Variants in KMT2E observed in about 807,000 individuals in gnomAD.
KMT2E encodes histone reader KMT2E.
Under a neutral mutation model 184.6 loss-of-function variants are expected in KMT2E, and 30 were observed. The observed-to-expected ratio is 0.16, with a 90% CI of 0.12 to 0.22. The LOEUF (loss-of-function observed/expected upper bound fraction) is 0.22, where lower values mean the gene tolerates loss of function less well. Ranked by LOEUF, KMT2E falls within the 10% of genes least tolerant of loss-of-function variation. The probability of loss-of-function intolerance (pLI) is 1.00; values close to 1 mark genes in which losing one functional copy is unlikely to be tolerated. For synonymous variants in KMT2E, 815 were observed against 776.5 expected, an observed-to-expected ratio of 1.05 and a Z score of -0.82; for missense variants, 2,023 against 2,237.4, an observed-to-expected ratio of 0.90 and a Z score of 1.93.
In KMT2E at chr7:105,090,134, A is replaced by G. The variant is rs1798140933; in HGVS notation, c.1484A>G (p.Asp495Gly). 2.5e-6 allele frequency: 4 copies of G among 1,613,308 alleles called. No homozygotes were observed. The change falls in exon 14 of 27, where the codon GAC (aspartate) becomes GGC (glycine). Residue 495 changes from aspartate to glycine, a missense_variant. Physicochemically the swap from Asp to Gly is moderately conservative, Grantham distance 94 (BLOSUM62 -1). This residue lies in a region of KMT2E where 514 missense variants were observed against 621.8 expected (regional missense o/e 0.83). Coordinates refer to ENST00000311117, the MANE Select transcript of KMT2E (RefSeq NM_182931.3). ...YETRRKKGKKDKDISKEKDTQ... is the reference protein window; with the variant it reads ...YETRRKKGKKGKDISKEKDTQ... ...ACCAGACGGAAAAAAGGAAAAAAAG[A>G]CAAAGATATTTCAAAAGAAAAAGAT...
chr7:105,050,454 A>G (rs1179074857), intron 3 of KMT2E, among the ~76,000 whole-genome samples: 3 of 152,098 alleles, frequency 2.0e-5, no homozygotes, highest in African/African-American at 4.8e-5. Flanking sequence ...GACTTTAAAT[A>G]TAATCTCTGT....
In KMT2E at chr7:105,112,171, A is replaced by G. The variant is rs1418100350; in HGVS notation, c.4415A>G (p.Gln1472Arg). The G allele has an allele frequency of 3.7e-6, 6 of 1,614,098 alleles. No homozygotes were observed. The highest frequency in any genetic ancestry group is 5.1e-6 in the Non-Finnish European group (6 of 1,180,004). ...TATCTTTCACCAAAGCCTCCTTCAC[A>G]GCAGTTAGGATCTCCCTACAGGCCT... ...HGYLSPKPPS[Q>R]QLGSPYRPHH... is the part of the protein sequence containing the mutation. Residue 1472 changes from glutamine to arginine, a missense_variant, in exon 27 of 27, where the codon CAG becomes CGG. By Grantham distance (43) the Gln-to-Arg change is conservative. Around this residue, in one of 8 missense-constraint regions of KMT2E, gnomAD observed 1,108 missense variants for 1,050.9 expected, o/e 1.05. Coordinates refer to ENST00000311117, the MANE Select transcript of KMT2E (RefSeq NM_182931.3).
intron 1 of KMT2E, among the ~76,000 whole-genome samples, chr7:105,022,868 G>A (rs1176635765): frequency 6.6e-6 from 1 of 151,954 alleles, no homozygotes; most frequent in Non-Finnish European, 1.5e-5. Context: ...TTCTTTTCCA[G>A]TTTTTCTGTA....
At chr7:105,083,090 T>C (rs1797822104) in intron 13 of KMT2E, among the ~76,000 whole-genome samples, 1 of 152,214 alleles carries the variant, frequency 6.6e-6, no homozygotes, top group Admixed American at 6.5e-5. Flanking sequence ...TTTTTCTGAT[T>C]GGCTCTGATG....
At chr7:105,030,733 T>G (rs938270468) in intron 1 of KMT2E, among the ~76,000 whole-genome samples, 1 of 152,214 alleles carries the variant, frequency 6.6e-6, no homozygotes, top group Non-Finnish European at 1.5e-5. Flanking sequence ...ACCTATCATT[T>G]TCTACTCCTA....
intron 8 of KMT2E, among the ~76,000 whole-genome samples, chr7:105,075,601 T>C (rs1797493963): frequency 6.6e-6 from 1 of 152,212 alleles, no homozygotes; most frequent in African/African-American, 2.4e-5. Context: ...TGTTGTAATA[T>C]TGAACACAGA....
chr7:105,014,330 G>T lies in KMT2E; in HGVS notation c.-394G>T. ...GCCTCGCCGTCGTCTCTGCGTTCCT[G>T]TTGACTGCCTGGCTGCCCCCTCCCC... On this transcript the variant is annotated 5_prime_UTR_variant, in exon 1 of 27. Coordinates refer to ENST00000311117, the MANE Select transcript of KMT2E (RefSeq NM_182931.3). The T allele has an allele frequency of 6.4e-6, 1 of 155,938 alleles. No homozygotes were observed. The highest frequency in any genetic ancestry group is 1.4e-5 in the Non-Finnish European group (1 of 70,080). 9.7% of individuals were successfully genotyped at this position (155,938 alleles called of 1,614,324 possible).
At chr7:105,057,586 G>A (rs1320625351) in intron 3 of KMT2E, among the ~76,000 whole-genome samples, 1 of 151,908 alleles carries the variant, frequency 6.6e-6, no homozygotes, top group Non-Finnish European at 1.5e-5. Flanking sequence ...CTGAAGCCTA[G>A]GACTATAGGT....
intron 11 of KMT2E, 50 bp downstream of exon 11, chr7:105,077,483 C>G: frequency 6.8e-7 from 1 of 1,470,396 alleles, no homozygotes; most frequent in Non-Finnish European, 9.4e-7. Flanking sequence ...AAATATTGAA[C>G]TTTTGGCTGT....
chr7:105,059,989 T>TTTTG (rs1796741148), intron 3 of KMT2E, among the ~76,000 whole-genome samples: 6 of 65,774 alleles, frequency 9.1e-5, no homozygotes, highest in Non-Finnish European at 1.5e-4. Flanking sequence ...TTTTTTTTTT[T>TTTTG]TTTTTTTTTT....
chr7:105,084,211 A>C (rs1797873176), intron 13 of KMT2E, among the ~76,000 whole-genome samples: 1 of 151,932 alleles, frequency 6.6e-6, no homozygotes, highest in Non-Finnish European at 1.5e-5. Flanking sequence ...TGCACACCTC[A>C]ATCTACCATA....
intron 6 of KMT2E, among the ~76,000 whole-genome samples, chr7:105,068,624 GTTTT>G (rs77819480): frequency 8.9e-6 from 1 of 112,274 alleles, no homozygotes. Flanking sequence ...ACTAGTTGTG[GTTTT>G]TTTTTTTTTT....
intron 1 of KMT2E, among the ~76,000 whole-genome samples, chr7:105,027,074 C>CTTTTT (rs34930855): frequency 3.7e-5 from 3 of 81,902 alleles, no homozygotes; most frequent in Non-Finnish European, 4.5e-5. Context: ...GCCCCGCCCT[C>CTTTTT]TTTTTTTTTT....
At position 105,080,528 on chromosome 7, in the gene KMT2E, C is replaced by A. The variant is rs1797722599; in HGVS notation, c.1249-1160C>A. Among the ~76,000 whole-genome samples the A allele has an allele frequency of 2.6e-5, 4 of 152,066 alleles. No individual in the cohort carries two copies. The South Asian group carries it at 8.3e-4, about 32-fold the overall frequency. ...GGGATTATAGGCATGCGCTGCTGCA[C>A]CCAGCTAAGAGTACAGATTTTGGAA... On this transcript the variant is annotated intron_variant, in intron 12 of 26. Coordinates refer to ENST00000311117, the MANE Select transcript of KMT2E (RefSeq NM_182931.3).
chr7:105,100,520 T>C (rs1296945269), intron 15 of KMT2E, among the ~76,000 whole-genome samples: 1 of 152,224 alleles, frequency 6.6e-6, no homozygotes, highest in South Asian at 2.1e-4. Flanking sequence ...ATGTGGTTCC[T>C]GGTTCTGGTT....
At position 105,113,354 on chromosome 7, in the gene KMT2E, T is replaced by C. The variant is rs1799418104; in HGVS notation, c.*21T>C. 4 of 1,589,596 alleles carry C rather than the reference T, an allele frequency of 2.5e-6. No individual in the cohort carries two copies. Among genetic ancestry groups the C allele is most frequent in the Non-Finnish European group, 3.4e-6 (4 of 1,163,522 alleles). On this transcript the variant is annotated 3_prime_UTR_variant, in exon 27 of 27. Coordinates refer to ENST00000311117, the MANE Select transcript of KMT2E (RefSeq NM_182931.3). The stretch of plus-strand genomic sequence containing the variant: ...ATTAAAATGGACTCCAAAAACATTT[T>C]TTTAAATGTTCTGTAAGATAAACTG...
At chr7:105,082,517 T>G (rs1227869883) in intron 13 of KMT2E, among the ~76,000 whole-genome samples, 2 of 152,148 alleles carry the variant, frequency 1.3e-5, no homozygotes, top group Non-Finnish European at 2.9e-5. Flanking sequence ...ATACAATATA[T>G]TTACTGTTCA....
intron 23 of KMT2E, among the ~76,000 whole-genome samples, chr7:105,109,834 T>C (rs1799108584): frequency 6.7e-6 from 1 of 148,778 alleles, no homozygotes; most frequent in South Asian, 2.1e-4. Flanking sequence ...GTCAGCAAAA[T>C]AAGATTAACT....
In KMT2E at chr7:105,055,898, A is replaced by C. The variant is rs777317459; in HGVS notation, c.72-6266A>C. Among the ~76,000 whole-genome samples the C allele has an allele frequency of 5.9e-5, 9 of 152,224 alleles. No homozygotes were observed. The South Asian group carries it at 1.0e-3, about 18-fold the overall frequency. On this transcript the variant is annotated intron_variant, in intron 3 of 26. Transcript: ENST00000311117. ...TTGTTTGTTTGCCTGTTAGTTTCTT[A>C]AGAAGAAGGATCACTTTTTTTTTTT... is the stretch of plus-strand genomic sequence containing the variant.
Sources: allele counts gnomAD v4.1 joint callset (sites outside exome capture counted in the v4.1 genomes callset), GRCh38; gene constraint gnomAD v4.1.1; regional missense constraint gnomAD v4.1.1; transcripts MANE v1.5; gene names NCBI Gene and HGNC (gene_info 2026-07-23, HGNC 2026-07-21).